SLCO1B3: variants seen among roughly 807,000 people sequenced by gnomAD.
The protein encoded by SLCO1B3 is liver-specific organic anion transporter 2.
In SLCO1B3, 72 loss-of-function variants were observed where a neutral mutation model predicts 71.8. That is an observed-to-expected ratio of 1.00 (90% CI 0.83 to 1.22). The LOEUF (loss-of-function observed/expected upper bound fraction) is 1.22, where lower values mean the gene tolerates loss of function less well. Among genes scored for constraint, SLCO1B3 ranks in the 50% most tolerant of loss-of-function variants. The probability of loss-of-function intolerance (pLI) is 0.00; values close to 1 mark genes in which losing one functional copy is unlikely to be tolerated. For synonymous variants in SLCO1B3, 298 were observed against 278.4 expected (o/e 1.07, Z -0.70); for missense variants, 911 against 819.7 (o/e 1.11, Z -1.36).
chr12:20,816,725 T>A (rs1339388936), intron 3 of SLCO1B3, among the ~76,000 whole-genome samples: 2 of 152,212 alleles, frequency 1.3e-5, no homozygotes, highest in Non-Finnish European at 2.9e-5. Flanking sequence ...GCAGTGGGAT[T>A]GCTGGATCAC....
At chr12:20,835,859 T>A (rs1304124382) in intron 3 of SLCO1B3, among the ~76,000 whole-genome samples, 1 of 152,186 alleles carries the variant, frequency 6.6e-6, no homozygotes, top group East Asian at 1.9e-4. Context: ...AGGTATCCTG[T>A]AGCAATGCCC....
intron 3 of SLCO1B3, among the ~76,000 whole-genome samples, chr12:20,829,274 A>G (rs919252724): frequency 2.6e-5 from 4 of 152,214 alleles, no homozygotes; most frequent in African/African-American, 9.6e-5. Context: ...AATTTCCAAG[A>G]CAAAAACTAC....
At chr12:20,845,136 C>A in intron 3 of SLCO1B3, 1 of 451,834 alleles carries the variant, frequency 2.2e-6, no homozygotes, top group Non-Finnish European at 4.4e-6. Flanking sequence ...AAGACTTAGA[C>A]TATGTCATTG....
At chr12:20,886,524 G>A (rs1865796156) in intron 13 of SLCO1B3, among the ~76,000 whole-genome samples, 1 of 152,080 alleles carries the variant, frequency 6.6e-6, no homozygotes. Context: ...AAAGGATCAT[G>A]TCCTTGAAGC....
At chr12:20,826,957 G>C (rs1230407338) in intron 3 of SLCO1B3, among the ~76,000 whole-genome samples, 1 of 151,850 alleles carries the variant, frequency 6.6e-6, no homozygotes, top group Non-Finnish European at 1.5e-5. Context: ...GATTATAAAT[G>C]GTCATCATTT....
chr12:20,823,382 A>G (rs181787641), intron 3 of SLCO1B3, among the ~76,000 whole-genome samples: 20 of 152,314 alleles, frequency 1.3e-4, no homozygotes, highest in Admixed American at 1.2e-3. Flanking sequence ...TAGTCAGGAA[A>G]AATTTTAGAC....
rs1240375140 is a variant in SLCO1B3, at chr12:20,862,753, C to G, written c.629-3C>G. The G allele has an allele frequency of 4.4e-6, 7 of 1,599,420 alleles. No homozygotes were observed. The South Asian group carries it at 6.8e-5, about 15-fold the overall frequency. On this transcript the variant is annotated splice_region_variant and splice_polypyrimidine_tract_variant and intron_variant, in intron 7 of 15. Coordinates refer to ENST00000381545, the MANE Select transcript of SLCO1B3 (RefSeq NM_019844.4). Reference sequence around the variant, plus strand: ...TGATTAAATTGTTTTGTAATACTTACAGGTAGTTTGAATGCAATAGGAATG... The same window carrying G: ...TGATTAAATTGTTTTGTAATACTTAGAGGTAGTTTGAATGCAATAGGAATG...
At chr12:20,849,711 T>TCACACACACA (rs146186543) in intron 3 of SLCO1B3, among the ~76,000 whole-genome samples, 113 of 126,362 alleles carry the variant, frequency 8.9e-4, no homozygotes, top group East Asian at 4.6e-3. Context: ...TAGTAGAAAA[T>TCACACACACA]CACACACACA....
chr12:20,906,460 A>G (rs1041612728), intron 15 of SLCO1B3, among the ~76,000 whole-genome samples: 3 of 152,174 alleles, frequency 2.0e-5, no homozygotes, highest in Non-Finnish European at 4.4e-5. Flanking sequence ...ATAGAACTTT[A>G]CAACATAAAA....
chr12:20,903,560 T>A (rs1866171038), intron 15 of SLCO1B3, among the ~76,000 whole-genome samples: 1 of 152,046 alleles, frequency 6.6e-6, no homozygotes, highest in Non-Finnish European at 1.5e-5. Flanking sequence ...GCAAGGCATG[T>A]CTTCTCCTAG....
intron 13 of SLCO1B3, among the ~76,000 whole-genome samples, chr12:20,889,572 C>G (rs1865861483): frequency 6.6e-6 from 1 of 151,928 alleles, no homozygotes. Context: ...TCTGATTGTC[C>G]TTATTTGAAT....
In SLCO1B3 at chr12:20,878,798, C is replaced by T. The variant is rs558089206; in HGVS notation, c.1136-638C>T. On this transcript the variant is annotated intron_variant, in intron 10 of 15. Coordinates refer to ENST00000381545, the MANE Select transcript of SLCO1B3 (RefSeq NM_019844.4). ...GGACTGTGAAATGGAAAAAATGTAA[C>T]AGGGATCAGTCATTTTTAATCCTGT... Among the ~76,000 whole-genome samples, 6 of 152,180 alleles carry T rather than the reference C, an allele frequency of 3.9e-5. No individual in the cohort carries two copies. In the South Asian group the frequency reaches 6.2e-4, roughly 16 times the overall value.
chr12:20,834,361 C>T (rs939487003), intron 3 of SLCO1B3, among the ~76,000 whole-genome samples: 29 of 115,784 alleles, frequency 2.5e-4, no homozygotes, highest in African/African-American at 4.0e-4. Context: ...TCTTCATATA[C>T]GTGGAGACTA....
At chr12:20,833,829 C>T (rs959633166) in intron 3 of SLCO1B3, among the ~76,000 whole-genome samples, 5 of 147,228 alleles carry the variant, frequency 3.4e-5, no homozygotes, top group Non-Finnish European at 7.5e-5. Context: ...TATGCACACA[C>T]ACAGTTTGTG....
chr12:20,896,753 G>C (rs1213142390), intron 13 of SLCO1B3, among the ~76,000 whole-genome samples: 2 of 152,036 alleles, frequency 1.3e-5, no homozygotes, highest in African/African-American at 4.8e-5. Flanking sequence ...CACTCTACCG[G>C]TACCAATTTA....
At chr12:20,822,959 C>G (rs1864347448) in intron 3 of SLCO1B3, among the ~76,000 whole-genome samples, 2 of 151,966 alleles carry the variant, frequency 1.3e-5, no homozygotes, top group African/African-American at 2.4e-5. Flanking sequence ...ACTCCCTGGT[C>G]TTGAATTTTG....
chr12:20,819,995 TG>T (rs1756626629), intron 3 of SLCO1B3, among the ~76,000 whole-genome samples: 1 of 151,998 alleles, frequency 6.6e-6, no homozygotes, highest in Non-Finnish European at 1.5e-5. Context: ...ATAAGGGAAC[TG>T]GGCAGGTGGG....
intron 13 of SLCO1B3, among the ~76,000 whole-genome samples, chr12:20,884,707 A>G (rs551016780): frequency 6.6e-6 from 1 of 152,104 alleles, no homozygotes; most frequent in Non-Finnish European, 1.5e-5. Flanking sequence ...GGTAACACCT[A>G]ATTGTACTTT....
Position 20,898,473 on chromosome 12 carries a change from T to A in SLCO1B3, c.1720T>A (p.Phe574Ile). ...TGAATTGAAAGCACTTGCAATGGGTTTCCAGTCAATGGTTATAAGAACACT... is the reference window on the plus strand; with the variant it reads ...TGAATTGAAAGCACTTGCAATGGGTATCCAGTCAATGGTTATAAGAACACT... ...QPELKALAMG[F>I]QSMVIRTLGG... is the part of the protein sequence containing the mutation. Residue 574 changes from phenylalanine (F) to isoleucine (I), a missense_variant, in exon 14 of 16, where the codon TTC becomes ATC. Phe to Ile is a conservative substitution (Grantham distance 21). Coordinates refer to ENST00000381545, the MANE Select transcript of SLCO1B3 (RefSeq NM_019844.4). 1 of 1,593,046 alleles carries A rather than the reference T, an allele frequency of 6.3e-7. No homozygotes were observed. Among genetic ancestry groups the A allele is most frequent in the Non-Finnish European group, 8.6e-7 (1 of 1,163,732 alleles).
Sources: allele counts gnomAD v4.1 joint callset (sites outside exome capture counted in the v4.1 genomes callset), GRCh38; gene constraint gnomAD v4.1.1; transcripts MANE v1.5; gene names NCBI Gene and HGNC (gene_info 2026-07-23, HGNC 2026-07-21).